The following DNAH5 variants were observed in gnomAD, a reference collection of about 807,000 sequenced individuals.
DNAH5 encodes the protein dynein axonemal heavy chain 5.
A neutral mutation model predicts 518.2 loss-of-function variants in DNAH5; 372 were observed. The ratio of observed to expected loss-of-function variants is 0.72; its 90% CI spans 0.66 to 0.78. DNAH5 has a LOEUF of 0.78. Ranked by LOEUF, DNAH5 falls within the 30% of genes least tolerant of loss-of-function variation. The pLI, the probability that DNAH5 is intolerant of heterozygous loss-of-function variation, is 0.00. For missense variants in DNAH5, 5,523 were observed against 5,687.0 expected (o/e 0.97, Z 0.93); for synonymous variants, 2,039 against 2,025.9 (o/e 1.01, Z -0.17).
Position 13,762,782 on chromosome 5 carries a change from AC to A in DNAH5, c.10220del (p.Cys3407PhefsTer13). ...KRVCGNVAGL[C>X]SWTKAMASFF... is the part of the protein sequence containing the mutation. ...AGGAAGCCATAGCTTTCGTCCAGGA[AC>A]AAAGACCAGCTACATTTCCACATAC... On this transcript the variant is annotated frameshift_variant, in exon 60 of 79. Transcript: ENST00000265104. LOFTEE classifies it high-confidence loss of function. 6.2e-7 allele frequency: 1 copy of A among 1,614,192 alleles called. No homozygotes were observed. The highest frequency in any genetic ancestry group is 1.1e-5 in the South Asian group (1 of 91,088).
At chr5:13,832,417 G>A (rs1211981958) in intron 35 of DNAH5, among the ~76,000 whole-genome samples, 1 of 152,186 alleles carries the variant, frequency 6.6e-6, no homozygotes, top group Non-Finnish European at 1.5e-5. Flanking sequence ...ACTGCCTTTC[G>A]GTGACAAGCA....
intron 1 of DNAH5, among the ~76,000 whole-genome samples, chr5:13,991,125 G>A (rs1783512716): frequency 6.6e-6 from 1 of 152,068 alleles, no homozygotes; most frequent in Non-Finnish European, 1.5e-5. Context: ...AACCTGACTG[G>A]CATGAAAGCT....
At chr5:13,818,193 A>C (rs750110177) in intron 41 of DNAH5, among the ~76,000 whole-genome samples, 10 of 152,262 alleles carry the variant, frequency 6.6e-5, no homozygotes, top group Non-Finnish European at 1.5e-4. Flanking sequence ...TATTCAAGAA[A>C]TGTATTCAAA....
intron 21 of DNAH5, among the ~76,000 whole-genome samples, chr5:13,879,707 T>A (rs1276993984): frequency 6.9e-6 from 1 of 145,812 alleles, no homozygotes; most frequent in Admixed American, 6.8e-5. Context: ...CAAGCAGAAG[T>A]AGAAAAAAAA....
In DNAH5 at chr5:13,753,449, G is replaced by T. The variant is rs757642030; in HGVS notation, c.10656C>A (p.Ala3552=). The T allele has an allele frequency of 1.9e-6, 3 of 1,613,886 alleles. No individual in the cohort carries two copies. The South Asian group carries it at 3.3e-5, about 18-fold the overall frequency. ...LLNDWRKEMK[A]RKIPFGKNLN... ...GGTTCTTTCCAAATGGAATTTTCCG[G>T]GCTTTCATTTCCTTCCGCCAGTCAT... The change falls in exon 63 of 79, where the codon GCC becomes GCA. Residue 3552 remains alanine, a synonymous_variant. Transcript: ENST00000265104.
rs764337568 is a variant in DNAH5, at chr5:13,901,448, T to G, written c.1856A>C (p.Asn619Thr). The change falls in exon 14 of 79, where the codon AAC (asparagine) becomes ACC (threonine). Residue 619 changes from asparagine to threonine, a missense_variant. By Grantham distance (65) the Asn-to-Thr change is moderately conservative. Around this residue, in one of 3 missense-constraint regions of DNAH5, gnomAD observed 5,121 missense variants for 5,223.3 expected, o/e 0.98. Transcript: ENST00000265104. Reference protein sequence around the residue: ...KQKYDPPLARNQPPIAGKILW... With the variant: ...KQKYDPPLARTQPPIAGKILW... ...AATCTTTCCAGCGATGGGAGGCTGGTTTCGAGCCAGAGGAGGATCGTATTT... is the reference window on the plus strand; with the variant it reads ...AATCTTTCCAGCGATGGGAGGCTGGGTTCGAGCCAGAGGAGGATCGTATTT... The G allele has an allele frequency of 6.2e-6, 10 of 1,613,872 alleles. No individual in the cohort carries two copies. In the East Asian group the frequency reaches 2.2e-4, roughly 36 times the overall value.
chr5:13,763,603 TAA>T, intron 59 of DNAH5, among the ~76,000 whole-genome samples: 1 of 152,318 alleles, frequency 6.6e-6, no homozygotes, highest in Non-Finnish European at 1.5e-5. Context: ...TTTGATCATT[TAA>T]AAGAGGATGA....
intron 1 of DNAH5, among the ~76,000 whole-genome samples, chr5:13,940,639 G>A (rs559087225): frequency 1.3e-5 from 2 of 152,242 alleles, no homozygotes; most frequent in South Asian, 2.1e-4. Flanking sequence ...CTCCCCTGGT[G>A]ATTCTAATGT....
chr5:13,711,521 A>C (rs1383515141), intron 75 of DNAH5, among the ~76,000 whole-genome samples: 3 of 152,214 alleles, frequency 2.0e-5, no homozygotes, highest in Non-Finnish European at 4.4e-5. Flanking sequence ...TGGCCAGAGC[A>C]ATCAGTCAAG....
In DNAH5 at chr5:13,994,770, T is replaced by G. The variant is rs1269670775; in HGVS notation, c.12+16878A>C. Among the ~76,000 whole-genome samples the G allele has an allele frequency of 2.0e-5, 3 of 152,318 alleles. No homozygotes were observed. In the East Asian group the frequency reaches 5.8e-4, roughly 29 times the overall value. ...TCCCCTTGGCTCTGAGCACAGATGC[T>G]CAGATTGCTGCTCACCTAATTTGTC... On this transcript the variant is annotated intron_variant, in intron 1 of 78. Coordinates refer to the DNAH5 transcript ENST00000681290.
chr5:13,737,143 A>C, intron 66 of DNAH5, 109 bp downstream of exon 66: 1 of 1,539,798 alleles, frequency 6.5e-7, no homozygotes, highest in Non-Finnish European at 8.9e-7. Flanking sequence ...AAACACCTCC[A>C]CTTTGCATAA....
chr5:13,855,488 G>A lies in DNAH5; in HGVS notation c.4950+3964C>T, dbSNP rs1487389555. 1.0e-4 allele frequency among the ~76,000 whole-genome samples: 5 copies of A among 48,244 alleles called. 2 individuals are homozygous for A. Among genetic ancestry groups the A allele is most frequent in the Non-Finnish European group, 1.6e-4 (3 of 18,974 alleles). The allele number at this position is 48,244 out of a possible 152,430, so 31.6% of individuals were successfully genotyped here. On this transcript the variant is annotated intron_variant, in intron 30 of 78. Coordinates refer to ENST00000265104, the MANE Select transcript of DNAH5 (RefSeq NM_001369.3). ...CTCCCAAAGTGCTGGGATTACAGGC[G>A]TGAGCCACCGCGCCCGGCCATAAAT...
intron 1 of DNAH5, among the ~76,000 whole-genome samples, chr5:13,997,601 A>G (rs1200753729): frequency 1.3e-5 from 2 of 152,072 alleles, no homozygotes; most frequent in African/African-American, 4.8e-5. Flanking sequence ...CCTCTTCTAC[A>G]CCCTCACCAG....
intron 65 of DNAH5, among the ~76,000 whole-genome samples, chr5:13,746,169 C>G (rs1475552003): frequency 6.6e-6 from 1 of 152,082 alleles, no homozygotes; most frequent in Non-Finnish European, 1.5e-5. Context: ...TAAAAAGCCA[C>G]TGAGAGCAAT....
At chr5:13,917,069 A>G (rs925787161) in intron 8 of DNAH5, 74 bp downstream of exon 8, 4 of 1,202,920 alleles carry the variant, frequency 3.3e-6, no homozygotes, top group Non-Finnish European at 4.9e-6. Context: ...TTGATGAAAC[A>G]AAATTCAATA....
Position 13,793,629 on chromosome 5 carries a change from C to A in DNAH5, c.8110G>T (p.Ala2704Ser). Residue 2704 changes from alanine (A) to serine (S), a missense_variant, in exon 49 of 79, where the codon GCA becomes TCA. Around this residue, in one of 3 missense-constraint regions of DNAH5, gnomAD observed 5,121 missense variants for 5,223.3 expected, o/e 0.98. Transcript: ENST00000265104. ...CCACCACCAGGATGGATCATGGCTG[C>A]CAAAAACTGGATGTCCACGATGCTG... ...FTSIVDIQFL[A>S]AMIHPGGGRN... 6.2e-7 allele frequency: 1 copy of A among 1,614,086 alleles called. No individual in the cohort carries two copies. Among genetic ancestry groups the A allele is most frequent in the Non-Finnish European group, 8.5e-7 (1 of 1,180,006 alleles).
chr5:13,966,347 T>C (rs536781183), intron 1 of DNAH5, among the ~76,000 whole-genome samples: 84 of 152,346 alleles, frequency 5.5e-4, no homozygotes, highest in African/African-American at 1.9e-3. Flanking sequence ...CTTTCTCGTA[T>C]AATGACTTCT....
At chr5:13,881,354 T>C (rs1463862533) in intron 21 of DNAH5, among the ~76,000 whole-genome samples, 3 of 151,922 alleles carry the variant, frequency 2.0e-5, no homozygotes, top group African/African-American at 7.2e-5. Context: ...TCTTCTCGAG[T>C]GCACACAGAA....
At chr5:13,935,843 G>A (rs1488659889) in intron 1 of DNAH5, among the ~76,000 whole-genome samples, 1 of 152,164 alleles carries the variant, frequency 6.6e-6, no homozygotes. Flanking sequence ...CTTGGAAAGT[G>A]AAGGCAGAGA....
Sources: allele counts gnomAD v4.1 joint callset (sites outside exome capture counted in the v4.1 genomes callset), GRCh38; gene constraint gnomAD v4.1.1; regional missense constraint gnomAD v4.1.1; transcripts MANE v1.5; gene names NCBI Gene and HGNC (gene_info 2026-07-23, HGNC 2026-07-21).